The following INSC variants were observed in gnomAD, a reference collection of about 807,000 sequenced individuals.
The protein encoded by INSC is protein inscuteable homolog.
In INSC, 67 loss-of-function variants were observed where a neutral mutation model predicts 58.6. That is an observed-to-expected ratio of 1.14 (90% CI 0.94 to 1.40). The LOEUF (loss-of-function observed/expected upper bound fraction) is 1.40. Among genes scored for constraint, INSC ranks in the 40% most tolerant of loss-of-function variants. The pLI is 0.00. For missense variants in INSC, 714 were observed against 692.0 expected (o/e 1.03, Z -0.36); for synonymous variants, 262 against 276.1 (o/e 0.95, Z 0.51).
downstream of INSC, among the ~76,000 whole-genome samples, chr11:15,250,062 G>T (rs765432620): frequency 3.4e-4 from 52 of 152,200 alleles, 1 homozygote; most frequent in Admixed American, 1.3e-4. Context: ...GCTGGGACTG[G>T]GTTCTCAGGA....
At chr11:15,264,021 A>G in the INSC span, among the ~76,000 whole-genome samples, 32 of 151,230 alleles carry the variant, frequency 2.1e-4, no homozygotes, top group African/African-American at 7.1e-4. Flanking sequence ...GACTGAAGGC[A>G]CAGAAAGTTC....
the INSC span, among the ~76,000 whole-genome samples, chr11:15,267,867 T>C: frequency 6.6e-6 from 1 of 152,034 alleles, no homozygotes; most frequent in Non-Finnish European, 1.5e-5. Context: ...TTCATATAAA[T>C]ATTTTTGAAC....
At chr11:15,143,348 C>T (rs555443704) in intron 1 of INSC, among the ~76,000 whole-genome samples, 75 of 152,260 alleles carry the variant, frequency 4.9e-4, no homozygotes, top group African/African-American at 1.8e-3. Context: ...TCTGAGCTCT[C>T]ACCAAGGAAT....
At chr11:15,171,439 T>G (rs895622051) in intron 2 of INSC, among the ~76,000 whole-genome samples, 1 of 152,184 alleles carries the variant, frequency 6.6e-6, no homozygotes, top group Admixed American at 6.5e-5. Flanking sequence ...CCTTTCTGGC[T>G]TTCCTTATCA....
At position 15,190,805 on chromosome 11, in the gene INSC, C is replaced by T; in HGVS notation, c.684C>T (p.Ile228=). ...LTQEGAPLCR[I]IAKEGGVVAL... The stretch of plus-strand genomic sequence containing the variant: ...AGGAGGGGGCTCCCTTGTGCCGCAT[C>T]ATAGCCAAGGTGAGCTTCATGGTTA... Residue 228 remains isoleucine, a synonymous_variant, in exon 6 of 13, where the codon ATC becomes ATT. Transcript: ENST00000379556. The T allele has an allele frequency of 1.2e-6, 2 of 1,611,542 alleles. No individual in the cohort carries two copies. Among genetic ancestry groups the T allele is most frequent in the Non-Finnish European group, 8.5e-7 (1 of 1,177,696 alleles).
At chr11:15,263,069 A>C in the INSC span, among the ~76,000 whole-genome samples, 9 of 152,326 alleles carry the variant, frequency 5.9e-5, no homozygotes, top group Admixed American at 3.9e-4. Context: ...ATAAAAAATA[A>C]AATAATTGAA....
chr11:15,262,722 G>C, the INSC span, among the ~76,000 whole-genome samples: 1 of 150,898 alleles, frequency 6.6e-6, no homozygotes, highest in Non-Finnish European at 1.5e-5. Flanking sequence ...TTTGATTAAA[G>C]TGGTTCTTTA....
At chr11:15,269,507 C>A in the INSC span, among the ~76,000 whole-genome samples, 1 of 151,672 alleles carries the variant, frequency 6.6e-6, no homozygotes, top group Non-Finnish European at 1.5e-5. Flanking sequence ...CCATCCATGG[C>A]TGACTGGAAT....
the INSC span, among the ~76,000 whole-genome samples, chr11:15,258,966 C>T: frequency 2.0e-5 from 3 of 152,216 alleles, no homozygotes; most frequent in African/African-American, 7.2e-5. Flanking sequence ...CAATACAAAA[C>T]AAGGTCTTTG....
chr11:15,162,397 T>C (rs1849050113), intron 2 of INSC, among the ~76,000 whole-genome samples: 1 of 152,200 alleles, frequency 6.6e-6, no homozygotes, highest in Non-Finnish European at 1.5e-5. Flanking sequence ...AGCTAATTCT[T>C]TCACCTCTTT....
intron 7 of INSC, among the ~76,000 whole-genome samples, chr11:15,213,239 G>A (rs759259283): frequency 1.3e-5 from 2 of 152,020 alleles, no homozygotes; most frequent in Non-Finnish European, 2.9e-5. Context: ...CAACCTGGGC[G>A]ACAGAGTGAG....
chr11:15,222,136 T>TG (rs1396110012), intron 8 of INSC, among the ~76,000 whole-genome samples: 1 of 152,176 alleles, frequency 6.6e-6, no homozygotes, highest in Non-Finnish European at 1.5e-5. Flanking sequence ...CATGGGGCCT[T>TG]GAAAGCATTG....
intron 11 of INSC, among the ~76,000 whole-genome samples, chr11:15,239,637 G>A (rs1344361733): frequency 1.3e-5 from 2 of 152,184 alleles, no homozygotes; most frequent in African/African-American, 2.4e-5. Context: ...GACCCCAGGG[G>A]CTCACAGCCT....
chr11:15,221,382 T>C (rs1396150360), intron 7 of INSC, 95 bp from the exon 8 acceptor site: 5 of 1,406,814 alleles, frequency 3.6e-6, no homozygotes, highest in Admixed American at 4.4e-5. Flanking sequence ...CTGGCTTCCA[T>C]GTAGTGGGGG....
At chr11:15,220,321 A>C (rs1422946078) in intron 7 of INSC, among the ~76,000 whole-genome samples, 2 of 152,050 alleles carry the variant, frequency 1.3e-5, no homozygotes, top group Admixed American at 1.3e-4. Flanking sequence ...CCAACCCGAG[A>C]AGGACTTGGT....
chr11:15,197,728 C>T (rs551938288), intron 6 of INSC, among the ~76,000 whole-genome samples: 89 of 152,302 alleles, frequency 5.8e-4, no homozygotes, highest in African/African-American at 2.1e-3. Context: ...CCATCCCTTC[C>T]CCTGTGCAAG....
chr11:15,177,886 T>C (rs1849628217), intron 4 of INSC, among the ~76,000 whole-genome samples: 1 of 152,160 alleles, frequency 6.6e-6, no homozygotes, highest in Non-Finnish European at 1.5e-5. Context: ...CTGCACACTC[T>C]AGGCAGCCAT....
chr11:15,120,006 C>A (rs1847831517), intron 1 of INSC, among the ~76,000 whole-genome samples: 1 of 152,256 alleles, frequency 6.6e-6, no homozygotes, highest in African/African-American at 2.4e-5. Flanking sequence ...CTAATTGGCA[C>A]AAGATCTGGA....
At position 15,193,537 on chromosome 11, in the gene INSC, T is replaced by C. The variant is rs558067541; in HGVS notation, c.693+2723T>C. Among the ~76,000 whole-genome samples the C allele has an allele frequency of 2.0e-5, 3 of 152,292 alleles. No homozygotes were observed. In the East Asian group the frequency reaches 5.8e-4, roughly 29 times the overall value. On this transcript the variant is annotated intron_variant, in intron 6 of 12. Transcript: ENST00000379556. ...CTGTTCCCACCTATGAGTGAGAACA[T>C]GCGGTGTTGGTTTTCTGTCCTTGCA...
Sources: gnomAD v4.1 joint callset for allele counts (sites outside exome capture counted in the v4.1 genomes callset) on GRCh38, gnomAD v4.1.1 for gene constraint, MANE v1.5 for transcripts, NCBI Gene and HGNC (gene_info 2026-07-23, HGNC 2026-07-21) for gene names.